GRM6: variants seen among roughly 807,000 people sequenced by gnomAD.
GRM6 encodes metabotropic glutamate receptor 6.
GRM6 carries 73 observed loss-of-function variants against 78.4 expected under a neutral mutation model. That is an observed-to-expected ratio of 0.93 (90% CI 0.77 to 1.13). The LOEUF is 1.13. Ranked by LOEUF, GRM6 falls within the 50% of genes most tolerant of loss-of-function variation. The pLI is 0.00. For missense variants in GRM6, 1,251 were observed against 1,256.4 expected (o/e 1.00, Z 0.07); for synonymous variants, 580 against 555.0 (o/e 1.05, Z -0.63).
chr5:178,986,704 A>G lies in GRM6; in HGVS notation c.1550T>C (p.Leu517Pro). The part of the protein sequence containing the change: ...SGDPHEVPSS[L>P]CSLPCGPGER... ...CCCCGGCCCGCAGGGCAGGCTGCAC[A>G]GAGACGAGGGCACCTCGTGGGGGTC... The change falls in exon 9 of 11, where the codon CTG becomes CCG. Residue 517 changes from leucine (L) to proline (P), a missense_variant. Coordinates refer to ENST00000517717, the MANE Select transcript of GRM6 (RefSeq NM_000843.4). 1.2e-6 allele frequency: 2 copies of G among 1,604,906 alleles called. No homozygotes were observed. The highest frequency in any genetic ancestry group is 1.7e-6 in the Non-Finnish European group (2 of 1,179,730).
rs369678169 is a variant in GRM6, at chr5:178,991,997, G to C, written c.591C>G (p.Asp197Glu). 1.5e-5 allele frequency: 24 copies of C among 1,613,876 alleles called. No homozygotes were observed. Among genetic ancestry groups the C allele is most frequent in the Non-Finnish European group, 1.8e-5 (21 of 1,179,880 alleles). ...CCACCATGGCCTGCGCCTGGTAGGA[G>C]TCGGGTGGCACCACCCGGGAGAAGA... ...YDFFSRVVPPDSYQAQAMVDI... is the reference protein window; with the variant it reads ...YDFFSRVVPPESYQAQAMVDI... Residue 197 changes from aspartate to glutamate, a missense_variant, in exon 3 of 11, where the codon GAC becomes GAG. Coordinates refer to ENST00000517717, the MANE Select transcript of GRM6 (RefSeq NM_000843.4). This position sits in a 1 kb window ranked among gnomAD's most constrained non-coding sequence, Gnocchi z 5.0.
chr5:178,983,888 G>C lies in GRM6; in HGVS notation c.2125-667C>G, dbSNP rs74433299. Among the ~76,000 whole-genome samples, 1,547 of 152,312 alleles carry C rather than the reference G, an allele frequency of 0.01. 73 individuals carry two copies. The East Asian group carries it at 0.14, about 14-fold the overall frequency. Reference sequence around the variant, plus strand: ...CCTGGAAGGGCTGCCCCACACGTTCGTGCTGGTTGTTCACTGTACGAGAGC... The same window carrying C: ...CCTGGAAGGGCTGCCCCACACGTTCCTGCTGGTTGTTCACTGTACGAGAGC... On this transcript the variant is annotated intron_variant, in intron 9 of 10. Coordinates refer to ENST00000517717, the MANE Select transcript of GRM6 (RefSeq NM_000843.4).
chr5:178,989,211 ACCCTCACCACCCTCCCCACCCTCC>A (rs1760626191), intron 6 of GRM6, 30 bp downstream of exon 6: 6 of 124,466 alleles, frequency 4.8e-5, no homozygotes, highest in South Asian at 8.7e-5. Flanking sequence ...CCCCCTCCCC[ACCCTCACCACCCTCCCCACCCTCC>A]CCACCCTCAC....
At chr5:178,982,625 A>T (rs377402514) in intron 10 of GRM6, among the ~76,000 whole-genome samples, 1 of 142,578 alleles carries the variant, frequency 7.0e-6, no homozygotes, top group Non-Finnish European at 1.6e-5. Flanking sequence ...AACTTGAATT[A>T]AAAAAAACAA....
chr5:178,983,210 C>T lies in GRM6; in HGVS notation c.2136G>A (p.Met712Ile), dbSNP rs754893934. Residue 712 changes from methionine to isoleucine, a missense_variant, in exon 10 of 11, where the codon ATG (methionine) becomes ATA (isoleucine). Met to Ile is a conservative substitution (Grantham distance 10, BLOSUM62 1). Coordinates refer to ENST00000517717, the MANE Select transcript of GRM6 (RefSeq NM_000843.4). ...FSLTSLQVVG[M>I]IAWLGARPPH... ...GGGGCCGGGCCCCCAGCCATGCTATCATCCCCACCACCTGCAGGAGCCAAC... is the reference window on the plus strand; with the variant it reads ...GGGGCCGGGCCCCCAGCCATGCTATTATCCCCACCACCTGCAGGAGCCAAC... The T allele has an allele frequency of 1.1e-5, 17 of 1,611,828 alleles. No homozygotes were observed. The highest frequency in any genetic ancestry group is 1.6e-4 in the Middle Eastern group (1 of 6,080).
chr5:178,993,774 C>A (rs891990058), intron 2 of GRM6, among the ~76,000 whole-genome samples: 2 of 152,138 alleles, frequency 1.3e-5, no homozygotes, highest in Non-Finnish European at 2.9e-5. Context: ...CTGCCCCTCA[C>A]GGGACAGTTC....
chr5:178,981,902 T>C lies in GRM6; in HGVS notation c.2437-48A>G. On this transcript the variant is annotated intron_variant, in intron 10 of 10. Transcript: ENST00000517717. The surrounding 1 kb of genome is among the most constrained non-coding windows in gnomAD (Gnocchi z 5.1). ...AGATGGGACTCAGCCCTGCTCTCCC[T>C]GCCCCGCTCCACACAGTCCTCACCA... is the stretch of plus-strand genomic sequence containing the variant. 1 of 1,146,970 alleles carries C rather than the reference T, an allele frequency of 8.7e-7. No homozygotes were observed. The highest frequency in any genetic ancestry group is 1.2e-5 in the South Asian group (1 of 81,366). 71.0% of individuals were successfully genotyped at this position (1,146,970 alleles called of 1,614,324 possible).
At chr5:178,987,782 C>G (rs1396147148) in intron 7 of GRM6, among the ~76,000 whole-genome samples, 2 of 152,034 alleles carry the variant, frequency 1.3e-5, no homozygotes, top group African/African-American at 4.8e-5. Flanking sequence ...TATTTAGAGA[C>G]AGAGTCTCAC....
chr5:178,994,950 C>T lies in GRM6; in HGVS notation c.-6G>A. On this transcript the variant is annotated 5_prime_UTR_variant, in exon 2 of 11. Coordinates refer to ENST00000517717, the MANE Select transcript of GRM6 (RefSeq NM_000843.4). ...GCTCTCCGGGGCCGCGCCATCGGCTCGTCTAGCGGGCTGCGGGGAGACAGA... is the reference window on the plus strand; with the variant it reads ...GCTCTCCGGGGCCGCGCCATCGGCTTGTCTAGCGGGCTGCGGGGAGACAGA... 4.3e-6 allele frequency: 5 copies of T among 1,168,050 alleles called. No individual in the cohort carries two copies. The highest frequency in any genetic ancestry group is 4.0e-5 in the South Asian group (1 of 24,940). The allele number at this position is 1,168,050 out of a possible 1,614,324, so 72.4% of individuals were successfully genotyped here.
At position 178,994,457 on chromosome 5, in the gene GRM6, A is replaced by T; in HGVS notation, c.488T>A (p.Val163Glu). The T allele has an allele frequency of 6.7e-7, 1 of 1,488,834 alleles. No homozygotes were observed. Among genetic ancestry groups the T allele is most frequent in the African/African-American group, 1.4e-5 (1 of 69,264 alleles). The allele number at this position is 1,488,834 out of a possible 1,614,324, so 92.2% of individuals were successfully genotyped here. Residue 163 changes from valine (V) to glutamate (E), a missense_variant, in exon 2 of 11, where the codon GTG (valine) becomes GAG (glutamate). Val to Glu is a moderately radical substitution (Grantham distance 121). Coordinates refer to ENST00000517717, the MANE Select transcript of GRM6 (RefSeq NM_000843.4). ...ASSVSIMVAN[V>E]LRLFAIPQIS... ...GGCCCTCACCGCAAACAGGCGCAGC[A>T]CGTTGGCGACCATGATGGAGACGGA...
intron 2 of GRM6, among the ~76,000 whole-genome samples, chr5:178,993,710 G>T (rs1474617176): frequency 6.6e-6 from 1 of 152,092 alleles, no homozygotes; most frequent in African/African-American, 2.4e-5. Context: ...AAACTTGTAT[G>T]CCAAAGCCCT....
chr5:178,981,347 C>CA lies in GRM6; in HGVS notation c.*309dup. On this transcript the variant is annotated 3_prime_UTR_variant, in exon 11 of 11. Transcript: ENST00000517717. This position sits in a 1 kb window ranked among gnomAD's most constrained non-coding sequence, Gnocchi z 5.1. ...AACCAGGCAAAGCCCAGGGCTTCAT[C>CA]ATCCTCTTTGGACTTCGGATGAGAG... 1 of 346,850 alleles carries CA rather than the reference C, an allele frequency of 2.9e-6. No individual in the cohort carries two copies. The highest frequency in any genetic ancestry group is 5.4e-6 in the Non-Finnish European group (1 of 185,560). The allele number at this position is 346,850 out of a possible 1,614,324, so 21.5% of individuals were successfully genotyped here.
chr5:178,987,596 A>C (rs1354926541), intron 7 of GRM6: 2 of 381,464 alleles, frequency 5.2e-6, no homozygotes, highest in African/African-American at 4.2e-5. Flanking sequence ...CACAGGAGGT[A>C]CCGAGGGTAG....
chr5:178,985,683 A>G (rs775115918), intron 9 of GRM6: 76 of 403,610 alleles, frequency 1.9e-4, no homozygotes, highest in African/African-American at 9.5e-4. Context: ...AGCCTGGGCG[A>G]CACAGCGAGA....
intron 7 of GRM6, chr5:178,987,385 A>G (rs569419870): frequency 4.3e-6 from 2 of 463,536 alleles, no homozygotes; most frequent in African/African-American, 4.0e-5. Flanking sequence ...CGTTATTCAC[A>G]TAGCCACAAG....
At chr5:178,982,576 C>CAAAAAAAAAAA (rs70997654) in intron 10 of GRM6, among the ~76,000 whole-genome samples, 1 of 20,184 alleles carries the variant, frequency 5.0e-5, no homozygotes, top group African/African-American at 2.5e-4. Context: ...GACTCTGTCT[C>CAAAAAAAAAAA]AAAAAAAAAA....
At chr5:178,982,435 A>C (rs1256554363) in intron 10 of GRM6, among the ~76,000 whole-genome samples, 1 of 151,988 alleles carries the variant, frequency 6.6e-6, no homozygotes, top group Admixed American at 6.6e-5. Context: ...AAAATTGCCC[A>C]GGCGTGGTGG....
At position 178,994,894 on chromosome 5, in the gene GRM6, C is replaced by T. The variant is rs763973168; in HGVS notation, c.51G>A (p.Pro17=). 1.7e-6 allele frequency: 2 copies of T among 1,207,510 alleles called. No individual in the cohort carries two copies. The highest frequency in any genetic ancestry group is 2.1e-6 in the Non-Finnish European group (2 of 970,216). The allele number at this position is 1,207,510 out of a possible 1,614,324, so 74.8% of individuals were successfully genotyped here. ...AREPLLVALL[P]LAWLAQAGLA... ...GGCCCGCCTGCGCCAGCCACGCCAG[C>T]GGCAGCAGCGCCACGAGCAGCGGCT... Residue 17 remains proline, a synonymous_variant, in exon 2 of 11, where the codon CCG becomes CCA. Transcript: ENST00000517717.
rs770242717 is a variant in GRM6 at position 178,981,619 on chromosome 5, A to G, written c.*38T>C. The G allele has an allele frequency of 3.3e-6, 5 of 1,501,524 alleles. No homozygotes were observed. Among genetic ancestry groups the G allele is most frequent in the South Asian group, 1.1e-5 (1 of 88,600 alleles). 93.0% of individuals were successfully genotyped at this position (1,501,524 alleles called of 1,614,324 possible). ...TTCCACCTCGAGGCAAGAGGAAGAAAGGAGAGGCAGCAAGCAGTCCCGTTC... is the reference window on the plus strand; with the variant it reads ...TTCCACCTCGAGGCAAGAGGAAGAAGGGAGAGGCAGCAAGCAGTCCCGTTC... On this transcript the variant is annotated 3_prime_UTR_variant, in exon 11 of 11. Coordinates refer to ENST00000517717, the MANE Select transcript of GRM6 (RefSeq NM_000843.4). The surrounding 1 kb of genome is among the most constrained non-coding windows in gnomAD (Gnocchi z 5.1).
Sources: gnomAD v4.1 joint callset for allele counts (sites outside exome capture counted in the v4.1 genomes callset) on GRCh38, gnomAD v4.1.1 for gene constraint, Gnocchi (gnomAD v3.1) non-coding constraint, MANE v1.5 for transcripts, NCBI Gene and HGNC (gene_info 2026-07-23, HGNC 2026-07-21) for gene names.